EPHB1: variants seen among roughly 807,000 people sequenced by gnomAD.
The protein encoded by EPHB1 is EPH receptor B1, also known as ephrin type-B receptor 1.
In EPHB1, 30 loss-of-function variants were observed where a neutral mutation model predicts 94.4. The observed-to-expected ratio is 0.32, with a 90% CI of 0.24 to 0.43. The LOEUF (loss-of-function observed/expected upper bound fraction) is 0.43, where lower values mean the gene tolerates loss of function less well. Among genes scored for constraint, EPHB1 ranks in the 20% least tolerant of loss-of-function variants. The pLI, the probability that EPHB1 is intolerant of heterozygous loss-of-function variation, is 1.00. For missense variants in EPHB1, 1,055 were observed against 1,308.3 expected (o/e 0.81, Z 2.99); for synonymous variants, 522 against 489.1 (o/e 1.07, Z -0.89).
At chr3:135,161,267 G>A (rs929787141) in intron 6 of EPHB1, among the ~76,000 whole-genome samples, 1 of 152,214 alleles carries the variant, frequency 6.6e-6, no homozygotes, top group African/African-American at 2.4e-5. Context: ...AGAAAGTGCT[G>A]GAGAGAGTGA....
chr3:135,106,557 C>A lies in EPHB1; in HGVS notation c.915C>A (p.Thr305=), dbSNP rs371516686. 1.9e-6 allele frequency: 3 copies of A among 1,614,016 alleles called. No individual in the cohort carries two copies. The highest frequency in any genetic ancestry group is 4.5e-5 in the East Asian group (2 of 44,872). Residue 305 remains threonine, a synonymous_variant, in exon 4 of 16, where the codon ACC becomes ACA. Transcript: ENST00000398015. ...CGTCTCCCATCTGCACCTGTCGGAC[C>A]GGTTATTACCGAGCGGACTTTGACC... The part of the protein sequence containing the change: ...AEASPICTCR[T]GYYRADFDPP...
At chr3:135,191,974 A>G (rs1408409227) in intron 10 of EPHB1, among the ~76,000 whole-genome samples, 1 of 152,210 alleles carries the variant, frequency 6.6e-6, no homozygotes, top group African/African-American at 2.4e-5. Context: ...CTGGGATTTC[A>G]TCAGGTCTGC....
chr3:135,245,466 C>T (rs1014295124), intron 13 of EPHB1, among the ~76,000 whole-genome samples: 3 of 137,510 alleles, frequency 2.2e-5, no homozygotes, highest in African/African-American at 8.2e-5. Context: ...AGAAAGTAAA[C>T]ACACCAAACA....
intron 1 of EPHB1, among the ~76,000 whole-genome samples, chr3:134,902,397 C>T (rs966234294): frequency 6.6e-6 from 1 of 152,184 alleles, no homozygotes; most frequent in African/African-American, 2.4e-5. Context: ...GTCTCCAAAA[C>T]TCCAGGATCC....
intron 12 of EPHB1, among the ~76,000 whole-genome samples, chr3:135,229,259 G>A (rs1943475612): frequency 6.6e-6 from 1 of 152,188 alleles, no homozygotes; most frequent in African/African-American, 2.4e-5. Context: ...GCCCCTCTGA[G>A]ATAATTAAGT....
intron 1 of EPHB1, among the ~76,000 whole-genome samples, chr3:134,880,331 A>C (rs921723143): frequency 3.9e-5 from 6 of 152,186 alleles, no homozygotes; most frequent in African/African-American, 1.4e-4. Context: ...GATTATAAAA[A>C]AGCTCCTGGG....
At chr3:134,797,720 G>A (rs949246860) in intron 1 of EPHB1, among the ~76,000 whole-genome samples, 1 of 152,136 alleles carries the variant, frequency 6.6e-6, no homozygotes, top group Admixed American at 6.5e-5. Context: ...CAGGCCTTCC[G>A]GAGCCACTTA....
At chr3:135,098,616 T>C (rs1938899898) in intron 3 of EPHB1, among the ~76,000 whole-genome samples, 1 of 152,182 alleles carries the variant, frequency 6.6e-6, no homozygotes, top group Non-Finnish European at 1.5e-5. Flanking sequence ...GCTTGCTTTT[T>C]TTTTCTAGAA....
chr3:135,221,522 CATA>C (rs1266979362), intron 12 of EPHB1, among the ~76,000 whole-genome samples: 6 of 152,284 alleles, frequency 3.9e-5, no homozygotes, highest in Admixed American at 2.0e-4. Context: ...AATCATTTAG[CATA>C]ATAAGTCCCA....
chr3:134,820,673 G>A (rs930313273), intron 1 of EPHB1, among the ~76,000 whole-genome samples: 12 of 152,058 alleles, frequency 7.9e-5, no homozygotes. Flanking sequence ...ATTTATCTGT[G>A]TTTGCCTGGG....
At chr3:135,100,985 G>C (rs1031430335) in intron 3 of EPHB1, among the ~76,000 whole-genome samples, 1 of 152,014 alleles carries the variant, frequency 6.6e-6, no homozygotes, top group Non-Finnish European at 1.5e-5. Context: ...AAAAAGCCTC[G>C]GCTATGCAAG....
chr3:134,990,597 T>A (rs1576299140), intron 3 of EPHB1, among the ~76,000 whole-genome samples: 2 of 152,340 alleles, frequency 1.3e-5, no homozygotes, highest in East Asian at 3.9e-4. Context: ...TCTGCAGAGA[T>A]CTGTCAGTAT....
chr3:135,014,899 G>C (rs1368003257), intron 3 of EPHB1, among the ~76,000 whole-genome samples: 1 of 152,136 alleles, frequency 6.6e-6, no homozygotes, highest in Non-Finnish European at 1.5e-5. Flanking sequence ...TTGCTTTCTG[G>C]TTTTACTTTC....
chr3:134,891,934 A>T (rs1467306515), intron 1 of EPHB1, among the ~76,000 whole-genome samples: 2 of 152,224 alleles, frequency 1.3e-5, no homozygotes, highest in Non-Finnish European at 2.9e-5. Flanking sequence ...CTTGGGAATG[A>T]CCATAGACTG....
At chr3:135,027,236 G>A (rs1489594119) in intron 3 of EPHB1, among the ~76,000 whole-genome samples, 5 of 152,038 alleles carry the variant, frequency 3.3e-5, no homozygotes, top group Admixed American at 6.6e-5. Context: ...CCCTGGCCAG[G>A]ACTTCCAGCA....
intron 5 of EPHB1, among the ~76,000 whole-genome samples, chr3:135,145,340 A>G (rs746581470): frequency 6.6e-6 from 1 of 152,178 alleles, no homozygotes; most frequent in African/African-American, 2.4e-5. Context: ...ATATATTTAA[A>G]AAAAAGATGG....
chr3:134,810,052 AC>A (rs2036138746), intron 1 of EPHB1, among the ~76,000 whole-genome samples: 1 of 152,172 alleles, frequency 6.6e-6, no homozygotes, highest in Non-Finnish European at 1.5e-5. Flanking sequence ...GCTAAGAGAG[AC>A]CCATTTGTCA....
chr3:135,134,621 T>C (rs1196726779), intron 5 of EPHB1, among the ~76,000 whole-genome samples: 1 of 152,194 alleles, frequency 6.6e-6, no homozygotes, highest in Non-Finnish European at 1.5e-5. Context: ...GTTGGTGCCG[T>C]AGAGACAAAG....
intron 3 of EPHB1, among the ~76,000 whole-genome samples, chr3:134,960,697 G>A (rs938090165): frequency 2.6e-5 from 4 of 152,194 alleles, no homozygotes; most frequent in African/African-American, 4.8e-5. Flanking sequence ...TAGGCCCCTG[G>A]AGAGGCTGGT....
Sources: allele counts gnomAD v4.1 joint callset (sites outside exome capture counted in the v4.1 genomes callset), GRCh38; gene constraint gnomAD v4.1.1; transcripts MANE v1.5; gene names NCBI Gene and HGNC (gene_info 2026-07-23, HGNC 2026-07-21).